Variants in ARHGEF33 observed in about 807,000 individuals in gnomAD.
ARHGEF33 encodes the protein Rho guanine nucleotide exchange factor 33.
A neutral mutation model predicts 101.9 loss-of-function variants in ARHGEF33; 72 were observed. The ratio of observed to expected loss-of-function variants is 0.71; its 90% confidence interval spans 0.58 to 0.86. ARHGEF33 has a LOEUF of 0.86. Among genes scored for constraint, ARHGEF33 ranks in the 40% least tolerant of loss-of-function variants. ARHGEF33 has a pLI of 0.00. For missense variants in ARHGEF33, 1,169 were observed against 1,111.3 expected (o/e 1.05, Z -0.74); for synonymous variants, 499 against 442.5 (o/e 1.13, Z -1.60).
chr2:38,906,603 CA>C (rs1253414078), intron 2 of ARHGEF33, among the ~76,000 whole-genome samples: 5 of 151,940 alleles, frequency 3.3e-5, no homozygotes, highest in Admixed American at 2.0e-4. Flanking sequence ...TTTCATTGAT[CA>C]ACAAAAATGT....
chr2:38,896,906 C>T (rs918937640), intron 2 of ARHGEF33, among the ~76,000 whole-genome samples: 10 of 151,962 alleles, frequency 6.6e-5, no homozygotes, highest in African/African-American at 1.9e-4. Flanking sequence ...TCTTTTTGCC[C>T]GGCATACTTT....
In ARHGEF33 at chr2:38,926,304, C is replaced by A. The variant is rs1258738027; in HGVS notation, c.76-2603C>A. 3.3e-5 allele frequency among the ~76,000 whole-genome samples: 5 copies of A among 152,116 alleles called. No homozygotes were observed. The South Asian group carries it at 1.0e-3, about 32-fold the overall frequency. ...TCTAATCCTTGGGGTGGGCTGTGGG[C>A]TCTCAAAAAAGAAAGCTGAAGAGAG... On this transcript the variant is annotated intron_variant, in intron 4 of 17. Coordinates refer to ENST00000409978, the MANE Select transcript of ARHGEF33 (RefSeq NM_001145451.5).
intron 2 of ARHGEF33, among the ~76,000 whole-genome samples, chr2:38,898,916 G>T (rs1666180268): frequency 1.3e-5 from 2 of 152,188 alleles, no homozygotes; most frequent in African/African-American, 2.4e-5. Flanking sequence ...CCAAAGGGTA[G>T]TGCTCTGAAA....
At chr2:38,962,476 A>C (rs1181994299) in intron 16 of ARHGEF33, among the ~76,000 whole-genome samples, 2 of 152,198 alleles carry the variant, frequency 1.3e-5, no homozygotes, top group African/African-American at 2.4e-5. Context: ...TTTACCAGAC[A>C]TACCAAATAA....
chr2:38,958,309 C>G, intron 15 of ARHGEF33, 111 bp downstream of exon 15: 2 of 1,349,388 alleles, frequency 1.5e-6, no homozygotes, highest in Non-Finnish European at 2.0e-6. Flanking sequence ...CCCATCAGGC[C>G]TATATGTGCC....
chr2:38,917,464 A>T (rs1666659993), intron 2 of ARHGEF33, among the ~76,000 whole-genome samples: 1 of 152,132 alleles, frequency 6.6e-6, no homozygotes, highest in Admixed American at 6.5e-5. Flanking sequence ...TATACATTCA[A>T]TGAGTTTTGG....
At chr2:38,921,267 G>A (rs1282071323) in intron 3 of ARHGEF33, 107 bp from the exon 4 acceptor site, 10 of 706,004 alleles carry the variant, frequency 1.4e-5, no homozygotes, top group South Asian at 5.1e-5. Context: ...CTTGTCGTGC[G>A]GGCACAAATG....
chr2:38,951,378 G>A (rs1402176587), intron 11 of ARHGEF33, among the ~76,000 whole-genome samples: 1 of 152,142 alleles, frequency 6.6e-6, no homozygotes, highest in East Asian at 1.9e-4. Context: ...CTGACTTCTA[G>A]TTCATAACTT....
At chr2:38,957,075 G>T in intron 14 of ARHGEF33, 28 bp downstream of exon 14, 2 of 1,550,762 alleles carry the variant, frequency 1.3e-6, no homozygotes, top group Non-Finnish European at 1.7e-6. Context: ...TGGTCTAGAG[G>T]GTCGAAGACC....
chr2:38,954,722 C>G (rs566231177), intron 13 of ARHGEF33, among the ~76,000 whole-genome samples: 20 of 150,600 alleles, frequency 1.3e-4, no homozygotes, highest in Admixed American at 6.0e-4. Context: ...CAACCTCTGC[C>G]TCCTGGGTTC....
At chr2:38,905,209 C>T (rs1428613154) in intron 2 of ARHGEF33, among the ~76,000 whole-genome samples, 1 of 151,220 alleles carries the variant, frequency 6.6e-6, no homozygotes, top group Non-Finnish European at 1.5e-5. Context: ...AGTTTTGTTT[C>T]CTTTCCTTAA....
chr2:38,930,267 G>A (rs954074775), intron 6 of ARHGEF33, among the ~76,000 whole-genome samples: 1 of 152,042 alleles, frequency 6.6e-6, no homozygotes, highest in Non-Finnish European at 1.5e-5. Flanking sequence ...GTCTGGACTA[G>A]GTTGAATCAA....
intron 1 of ARHGEF33, among the ~76,000 whole-genome samples, chr2:38,894,154 A>C (rs1207422115): frequency 6.6e-6 from 1 of 152,034 alleles, no homozygotes; most frequent in Non-Finnish European, 1.5e-5. Context: ...CCCCATCTCT[A>C]CCAAAAACAA....
chr2:38,921,392 C>A lies in ARHGEF33; in HGVS notation c.44C>A (p.Pro15Gln), dbSNP rs560510193. Residue 15 changes from proline to glutamine, a missense_variant, in exon 4 of 18, where the codon CCG (proline) becomes CAG (glutamine). Physicochemically the swap from Pro to Gln is moderately conservative, Grantham distance 76 (BLOSUM62 -1). Transcript: ENST00000409978. ...KTKQGENEHM[P>Q]VNNPSTQIYQ... is the part of the protein sequence containing the mutation. ...CCTGCAGGAGAGAATGAACATATGCCGGTGAATAATCCTTCCACGCAGATT... is the reference window on the plus strand; with the variant it reads ...CCTGCAGGAGAGAATGAACATATGCAGGTGAATAATCCTTCCACGCAGATT... 2.6e-6 allele frequency: 4 copies of A among 1,545,606 alleles called. 1 individual carries two copies. The South Asian group carries it at 4.8e-5, about 18-fold the overall frequency.
chr2:38,969,942 C>T (rs990688917), intron 17 of ARHGEF33, among the ~76,000 whole-genome samples: 4 of 152,192 alleles, frequency 2.6e-5, no homozygotes, highest in African/African-American at 7.2e-5. Context: ...AATGATACTT[C>T]ATCTTAATAT....
chr2:38,966,837 G>A (rs1476091324), intron 17 of ARHGEF33, among the ~76,000 whole-genome samples: 1 of 152,218 alleles, frequency 6.6e-6, no homozygotes, highest in Non-Finnish European at 1.5e-5. Context: ...AGCATAAAAT[G>A]TAAGGAAGAG....
chr2:38,967,389 G>A (rs776436726), intron 17 of ARHGEF33, among the ~76,000 whole-genome samples: 3 of 152,200 alleles, frequency 2.0e-5, no homozygotes, highest in Non-Finnish European at 4.4e-5. Context: ...GGAACCCAGT[G>A]CATGCTTGCA....
chr2:38,914,986 A>G (rs1207569742), intron 2 of ARHGEF33, among the ~76,000 whole-genome samples: 1 of 151,934 alleles, frequency 6.6e-6, no homozygotes, highest in Non-Finnish European at 1.5e-5. Context: ...CATGTATTTT[A>G]TCTGTACAAC....
intron 2 of ARHGEF33, among the ~76,000 whole-genome samples, chr2:38,901,841 C>T (rs1666248434): frequency 6.6e-6 from 1 of 152,192 alleles, no homozygotes; most frequent in African/African-American, 2.4e-5. Context: ...TGAGGCCGGG[C>T]ACGGTGGCTC....
Sources: gnomAD v4.1 joint callset for allele counts (sites outside exome capture counted in the v4.1 genomes callset) on GRCh38, gnomAD v4.1.1 for gene constraint, MANE v1.5 for transcripts, NCBI Gene and HGNC (gene_info 2026-07-23, HGNC 2026-07-21) for gene names.